Variants in SOX10 observed in about 807,000 individuals in gnomAD.
SOX10 encodes the protein transcription factor SOX-10.
A neutral mutation model predicts 35.0 loss-of-function variants in SOX10; 3 were observed. The ratio of observed to expected loss-of-function variants is 0.09; its 90% CI spans 0.04 to 0.22. The LOEUF is 0.22. Among genes scored for constraint, SOX10 ranks in the 10% least tolerant of loss-of-function variants. The probability of loss-of-function intolerance (pLI) is 1.00; values close to 1 mark genes in which losing one functional copy is unlikely to be tolerated. For synonymous variants in SOX10, 285 were observed against 291.0 expected, an observed-to-expected ratio of 0.98 and a Z score of 0.21; for missense variants, 436 against 655.1, an observed-to-expected ratio of 0.67 and a Z score of 3.65.
At position 37,984,111 on chromosome 22, in the gene SOX10, G is replaced by A. The variant is rs1362027310; in HGVS notation, c.-85+228C>T. On this transcript the variant is annotated intron_variant, in intron 1 of 3. Transcript: ENST00000396884. The surrounding 1 kb of genome is among the most constrained non-coding windows in gnomAD (Gnocchi z 4.4). ...TTTTTTTTAGCCTCCTTTTTTGGGT[G>A]GAGGTTTGTTGATGATAAGGAAGAA... is the stretch of plus-strand genomic sequence containing the variant. 4.8e-6 allele frequency: 1 copy of A among 209,678 alleles called. No homozygotes were observed. The highest frequency in any genetic ancestry group is 1.1e-4 in the East Asian group (1 of 8,862). The allele number at this position is 209,678 out of a possible 1,614,324, so 13.0% of individuals were successfully genotyped here. A position where few individuals can be genotyped will look rare whatever the true frequency, so the allele number is the denominator to read the frequency against.
Position 37,983,281 on chromosome 22 carries a change from A to T in SOX10, c.428+76T>A, listed in dbSNP as rs767344300. On this transcript the variant is annotated intron_variant, in intron 2 of 3. Coordinates refer to ENST00000396884, the MANE Select transcript of SOX10 (RefSeq NM_006941.4). The surrounding 1 kb of genome is among the most constrained non-coding windows in gnomAD (Gnocchi z 9.5). ...AGACAGTCCCGCTCTGAGGTGCAGG[A>T]GGCCGGGCCGCCTCGGCTACCCTGA... is the stretch of plus-strand genomic sequence containing the variant. The T allele has an allele frequency of 1.3e-5, 19 of 1,499,966 alleles. No individual in the cohort carries two copies. The highest frequency in any genetic ancestry group is 1.6e-5 in the Non-Finnish European group (18 of 1,108,456). 92.9% of individuals were successfully genotyped at this position (1,499,966 alleles called of 1,614,324 possible).
rs144785364 is a variant in SOX10, at chr22:37,974,657, T to C, written c.698-459A>G. On this transcript the variant is annotated intron_variant, in intron 3 of 3. Transcript: ENST00000396884. This position sits in a 1 kb window ranked among gnomAD's most constrained non-coding sequence, Gnocchi z 5.4. ...CATGAGCCACTGCGCCCCACAGCAT[T>C]TGTTTAAATACTGGTGTCTTAGATT... 3.3e-5 allele frequency among the ~76,000 whole-genome samples: 5 copies of C among 152,210 alleles called. No individual in the cohort carries two copies. Among genetic ancestry groups the C allele is most frequent in the African/African-American group, 1.2e-4 (5 of 41,530 alleles).
intron 3 of SOX10, among the ~76,000 whole-genome samples, chr22:37,977,449 T>C (rs1932254958): frequency 6.6e-6 from 1 of 151,680 alleles, no homozygotes; most frequent in Non-Finnish European, 1.5e-5. Context: ...GCCTCCTGAG[T>C]AGCTGGGACT....
At chr22:37,982,840 A>T (rs931154457) in intron 2 of SOX10, among the ~76,000 whole-genome samples, 3 of 152,086 alleles carry the variant, frequency 2.0e-5, no homozygotes, top group Non-Finnish European at 4.4e-5. Flanking sequence ...GCAGCAGCAG[A>T]TTTGTCCCGC....
At chr22:37,982,149 C>T (rs921341035) in intron 2 of SOX10, among the ~76,000 whole-genome samples, 2 of 152,192 alleles carry the variant, frequency 1.3e-5, no homozygotes, top group African/African-American at 4.8e-5. Context: ...CCCCAACCTC[C>T]TGACCACTCC....
rs1232575974 is a variant in SOX10, at chr22:37,980,405, CAG to C, written c.429-2272_429-2271del. Among the ~76,000 whole-genome samples the C allele has an allele frequency of 1.3e-5, 2 of 152,154 alleles. No homozygotes were observed. Among genetic ancestry groups the C allele is most frequent in the Non-Finnish European group, 2.9e-5 (2 of 68,022 alleles). On this transcript the variant is annotated intron_variant, in intron 2 of 3. Coordinates refer to ENST00000396884, the MANE Select transcript of SOX10 (RefSeq NM_006941.4). This position sits in a 1 kb window ranked among gnomAD's most constrained non-coding sequence, Gnocchi z 4.1. ...GCAGCCAGCATCAGCAAGAAAGTGA[CAG>C]GGGCCAGAAGAGAGAGAGGATTCCA...
chr22:37,973,907 T>C lies in SOX10; in HGVS notation c.989A>G (p.His330Arg). 6.2e-7 allele frequency: 1 copy of C among 1,610,102 alleles called. No homozygotes were observed. Among genetic ancestry groups the C allele is most frequent in the Non-Finnish European group, 8.5e-7 (1 of 1,179,766 alleles). The change falls in exon 4 of 4, where the codon CAC becomes CGC. Residue 330 changes from histidine (H) to arginine (R), a missense_variant. By Grantham distance (29) the His-to-Arg change is conservative. This residue lies in a region of SOX10 where 285 missense variants were observed against 402.9 expected (regional missense o/e 0.71). Coordinates refer to ENST00000396884, the MANE Select transcript of SOX10 (RefSeq NM_006941.4). Reference sequence around the variant, plus strand: ...TGGTGGCTTGGAGATCCAGGCGGAGTGTCCACTGGCCACGGCCAGGGCACT... The same window carrying C: ...TGGTGGCTTGGAGATCCAGGCGGAGCGTCCACTGGCCACGGCCAGGGCACT... The part of the protein sequence containing the change: ...LGSALAVASG[H>R]SAWISKPPGV...
chr22:37,977,494 T>G (rs1171893902), intron 3 of SOX10, among the ~76,000 whole-genome samples: 1 of 151,866 alleles, frequency 6.6e-6, no homozygotes, highest in Admixed American at 6.5e-5. Flanking sequence ...CTAATTTTTT[T>G]TATTTTTAGT....
At chr22:37,977,552 C>A (rs530068416) in intron 3 of SOX10, among the ~76,000 whole-genome samples, 23 of 152,224 alleles carry the variant, frequency 1.5e-4, no homozygotes, top group African/African-American at 4.8e-4. Context: ...GATCTCCTGA[C>A]CTCGTGATCT....
rs1208947053 is a variant in SOX10 at position 37,983,695 on chromosome 22, C to A, written c.90G>T (p.Ser30=). 5 of 1,527,258 alleles carry A rather than the reference C, an allele frequency of 3.3e-6. No individual in the cohort carries two copies. The highest frequency in any genetic ancestry group is 4.4e-6 in the Non-Finnish European group (5 of 1,143,952). The allele number at this position is 1,527,258 out of a possible 1,614,324, so 94.6% of individuals were successfully genotyped here. A position where few individuals can be genotyped will look rare whatever the true frequency, so the allele number is the denominator to read the frequency against. ...PRCLSPGSAP[S]LGPDGGGGGS... ...CGCCGCCGCCGCCGTCGGGCCCTAG[C>A]GAGGGCGCGCTCCCCGGGGACAGGC... Residue 30 remains serine (S), a synonymous_variant, in exon 2 of 4, where the codon TCG becomes TCT. Coordinates refer to ENST00000396884, the MANE Select transcript of SOX10 (RefSeq NM_006941.4). The surrounding 1 kb of genome is among the most constrained non-coding windows in gnomAD (Gnocchi z 9.5).
In SOX10 at chr22:37,984,453, G is replaced by C. The variant is rs1293101113; in HGVS notation, c.-199C>G. On this transcript the variant is annotated 5_prime_UTR_variant, in exon 1 of 4. Coordinates refer to ENST00000396884, the MANE Select transcript of SOX10 (RefSeq NM_006941.4). This position sits in a 1 kb window ranked among gnomAD's most constrained non-coding sequence, Gnocchi z 4.4. Reference sequence around the variant, plus strand: ...GTGACGCTGGTGGGCTGGGAGGGAGGGGCGGGGGGCCCTGAGCCTCAGGCC... The same window carrying C: ...GTGACGCTGGTGGGCTGGGAGGGAGCGGCGGGGGGCCCTGAGCCTCAGGCC... 1 of 152,862 alleles carries C rather than the reference G, an allele frequency of 6.5e-6. No homozygotes were observed. The highest frequency in any genetic ancestry group is 1.9e-4 in the East Asian group (1 of 5,174). The allele number at this position is 152,862 out of a possible 1,614,324, so 9.5% of individuals were successfully genotyped here. A position where few individuals can be genotyped will look rare whatever the true frequency, so the allele number is the denominator to read the frequency against.
In SOX10 at chr22:37,983,682, C is replaced by T; in HGVS notation, c.103G>A (p.Gly35Ser). ...PGSAPSLGPD[G>S]GGGGSGLRAS... ...CGCAGGCCCGATCCGCCGCCGCCGC[C>T]GTCGGGCCCTAGCGAGGGCGCGCTC... is the stretch of plus-strand genomic sequence containing the variant. The change falls in exon 2 of 4, where the codon GGC becomes AGC. Residue 35 changes from glycine to serine, a missense_variant. Coordinates refer to ENST00000396884, the MANE Select transcript of SOX10 (RefSeq NM_006941.4). This position sits in a 1 kb window ranked among gnomAD's most constrained non-coding sequence, Gnocchi z 9.5. 1 of 1,560,270 alleles carries T rather than the reference C, an allele frequency of 6.4e-7. No homozygotes were observed. The highest frequency in any genetic ancestry group is 1.2e-5 in the South Asian group (1 of 86,512).
intron 2 of SOX10, among the ~76,000 whole-genome samples, chr22:37,979,199 G>C (rs924700663): frequency 3.3e-5 from 5 of 152,118 alleles, no homozygotes; most frequent in African/African-American, 1.2e-4. Flanking sequence ...CTGAGTTCAA[G>C]CGATTCTCCT....
rs1176136994 is a variant in SOX10 at position 37,978,362 on chromosome 22, G to A, written c.429-227C>T. On this transcript the variant is annotated intron_variant, in intron 2 of 3. Transcript: ENST00000396884. The surrounding 1 kb of genome is among the most constrained non-coding windows in gnomAD (Gnocchi z 5.0). The stretch of plus-strand genomic sequence containing the variant: ...AGAGGGCTGCCCCCAAATCTTTCAT[G>A]GGCTGGAGGGTGAGAGAGGGGTCAG... Among the ~76,000 whole-genome samples, 1 of 152,250 alleles carries A rather than the reference G, an allele frequency of 6.6e-6. No individual in the cohort carries two copies. Among genetic ancestry groups the A allele is most frequent in the Non-Finnish European group, 1.5e-5 (1 of 68,044 alleles).
chr22:37,980,437 C>T lies in SOX10; in HGVS notation c.429-2302G>A, dbSNP rs537351994. On this transcript the variant is annotated intron_variant, in intron 2 of 3. Coordinates refer to ENST00000396884, the MANE Select transcript of SOX10 (RefSeq NM_006941.4). The surrounding 1 kb of genome is among the most constrained non-coding windows in gnomAD (Gnocchi z 4.1). ...CAGAAGAGAGAGAGGATTCCAACAT[C>T]GGATTCCGCTGCTACCTCCTAAGCT... Among the ~76,000 whole-genome samples the T allele has an allele frequency of 3.1e-4, 47 of 152,260 alleles. No homozygotes were observed. The highest frequency in any genetic ancestry group is 4.1e-4 in the South Asian group (2 of 4,822).
intron 2 of SOX10, among the ~76,000 whole-genome samples, chr22:37,982,753 G>A (rs1932439877): frequency 6.6e-6 from 1 of 152,118 alleles, no homozygotes; most frequent in Non-Finnish European, 1.5e-5. Context: ...TCCCTAGGAG[G>A]ATGAAGAAGC....
Position 37,978,324 on chromosome 22 carries a change from G to GCCC in SOX10, c.429-190_429-189insGGG, listed in dbSNP as rs1932288409. Among the ~76,000 whole-genome samples, 1 of 152,232 alleles carries GCCC rather than the reference G, an allele frequency of 6.6e-6. No homozygotes were observed. Among genetic ancestry groups the GCCC allele is most frequent in the Non-Finnish European group, 1.5e-5 (1 of 68,040 alleles). On this transcript the variant is annotated intron_variant, in intron 2 of 3. Coordinates refer to ENST00000396884, the MANE Select transcript of SOX10 (RefSeq NM_006941.4). This position sits in a 1 kb window ranked among gnomAD's most constrained non-coding sequence, Gnocchi z 5.0. ...TGGACTGAGAGATGTGAGGCCCAAG[G>GCCC]AATAACAGCCTCAGAGGGCTGCCCC...
At chr22:37,975,219 G>A (rs1230779972) in intron 3 of SOX10, among the ~76,000 whole-genome samples, 1 of 152,192 alleles carries the variant, frequency 6.6e-6, no homozygotes, top group Non-Finnish European at 1.5e-5. Flanking sequence ...AAATAAAATG[G>A]ATCCCTGTTC....
Position 37,983,634 on chromosome 22 carries a change from G to A in SOX10, c.151C>T (p.Leu51=). The change falls in exon 2 of 4, where the codon CTG becomes TTG. Residue 51 remains leucine, a synonymous_variant. Coordinates refer to ENST00000396884, the MANE Select transcript of SOX10 (RefSeq NM_006941.4). The surrounding 1 kb of genome is among the most constrained non-coding windows in gnomAD (Gnocchi z 9.5). ...GLRASPGPGE[L]GKVKKEQQDG... ...TGCTGCTCCTTCTTGACCTTGCCCAGCTCGCCTGGCCCCGGGCTGGCTCGC... is the reference window on the plus strand; with the variant it reads ...TGCTGCTCCTTCTTGACCTTGCCCAACTCGCCTGGCCCCGGGCTGGCTCGC... The A allele has an allele frequency of 6.2e-7, 1 of 1,602,038 alleles. No homozygotes were observed.
Sources: gnomAD v4.1 joint callset for allele counts (sites outside exome capture counted in the v4.1 genomes callset) on GRCh38, gnomAD v4.1.1 for gene constraint, gnomAD v4.1.1 regional missense constraint, Gnocchi (gnomAD v3.1) non-coding constraint, MANE v1.5 for transcripts, NCBI Gene and HGNC (gene_info 2026-07-23, HGNC 2026-07-21) for gene names.